The following MARCHF10 variants were observed in gnomAD, a reference collection of about 807,000 sequenced individuals.
The protein encoded by MARCHF10 is probable E3 ubiquitin-protein ligase MARCHF10.
Under a neutral mutation model 76.2 loss-of-function variants are expected in MARCHF10, and 64 were observed. The observed-to-expected ratio is 0.84, with a 90% CI of 0.69 to 1.03. MARCHF10 has a LOEUF of 1.03. MARCHF10 is among the 50% of genes least tolerant of loss of function. The pLI, the probability that MARCHF10 is intolerant of heterozygous loss-of-function variation, is 0.00. For synonymous variants in MARCHF10, 340 were observed against 357.5 expected (o/e 0.95, Z 0.55); for missense variants, 875 against 958.0 (o/e 0.91, Z 1.14).
intron 6 of MARCHF10, among the ~76,000 whole-genome samples, chr17:62,732,933 C>T (rs1275306186): frequency 7.4e-5 from 10 of 135,446 alleles, no homozygotes; most frequent in Non-Finnish European, 3.0e-5. Flanking sequence ...GCGGAAGTTG[C>T]AGTGAGCTAA....
At chr17:62,751,064 A>C (rs925470458) in intron 4 of MARCHF10, among the ~76,000 whole-genome samples, 8 of 152,196 alleles carry the variant, frequency 5.3e-5, no homozygotes, top group African/African-American at 1.7e-4. Context: ...GCGAAGGGAG[A>C]AAAATCAAGC....
intron 2 of MARCHF10, among the ~76,000 whole-genome samples, chr17:62,794,219 TCCACCA>T (rs532862509): frequency 6.8e-6 from 1 of 146,900 alleles, no homozygotes; most frequent in Non-Finnish European, 1.5e-5. Context: ...CACTACCACC[TCCACCA>T]CCACCACATC....
intron 1 of MARCHF10, among the ~76,000 whole-genome samples, chr17:62,802,513 C>T (rs2093091974): frequency 6.6e-6 from 1 of 152,198 alleles, no homozygotes; most frequent in African/African-American, 2.4e-5. Flanking sequence ...AGCCACCGCA[C>T]CTGGCCTGTG....
chr17:62,727,036 G>T (rs2090790786), intron 6 of MARCHF10, among the ~76,000 whole-genome samples: 1 of 152,198 alleles, frequency 6.6e-6, no homozygotes, highest in Non-Finnish European at 1.5e-5. Flanking sequence ...TTCACCGGTA[G>T]AGATTTTACA....
At chr17:62,804,153 A>C (rs2093125300) in intron 1 of MARCHF10, among the ~76,000 whole-genome samples, 1 of 152,150 alleles carries the variant, frequency 6.6e-6, no homozygotes, top group Non-Finnish European at 1.5e-5. Context: ...TACTGGCTTG[A>C]GCAGCCAGTG....
intron 6 of MARCHF10, among the ~76,000 whole-genome samples, chr17:62,728,077 C>T (rs998621216): frequency 5.9e-5 from 9 of 152,170 alleles, no homozygotes; most frequent in South Asian, 2.1e-4. Flanking sequence ...CTCACTCTGT[C>T]GCCCAGTGGC....
intron 1 of MARCHF10, among the ~76,000 whole-genome samples, chr17:62,802,717 A>G (rs2148219055): frequency 6.6e-6 from 1 of 152,248 alleles, no homozygotes; most frequent in East Asian, 1.9e-4. Context: ...GAGAAGTGGG[A>G]CAGAGAGGAC....
At position 62,738,765 on chromosome 17, in the gene MARCHF10, G is replaced by A. The variant is rs1038345977; in HGVS notation, c.536-1433C>T. On this transcript the variant is annotated intron_variant, in intron 5 of 10. Coordinates refer to ENST00000311269, the MANE Select transcript of MARCHF10 (RefSeq NM_152598.4). This position sits in a 1 kb window ranked among gnomAD's most constrained non-coding sequence, Gnocchi z 4.0. ...TTAACTGCATGGGACACTCAGCAAC[G>A]CAGTATGAATCTTGACTCATCAGCT... Among the ~76,000 whole-genome samples the A allele has an allele frequency of 3.9e-5, 6 of 152,188 alleles. No homozygotes were observed. Among genetic ancestry groups the A allele is most frequent in the African/African-American group, 9.7e-5 (4 of 41,448 alleles).
At chr17:62,717,584 G>A (rs1393858464) in intron 8 of MARCHF10, among the ~76,000 whole-genome samples, 2 of 152,204 alleles carry the variant, frequency 1.3e-5, no homozygotes, top group African/African-American at 2.4e-5. Context: ...CAGGAGACCC[G>A]AGGGCGGAGG....
At chr17:62,794,976 G>GT (rs911673039) in intron 2 of MARCHF10, 32 of 977,054 alleles carry the variant, frequency 3.3e-5, no homozygotes, top group African/African-American at 1.6e-4. Context: ...CCTCCAGCTA[G>GT]TTTTTTTTCC....
At chr17:62,745,610 G>A (rs2091677225) in intron 4 of MARCHF10, among the ~76,000 whole-genome samples, 1 of 152,190 alleles carries the variant, frequency 6.6e-6, no homozygotes, top group Admixed American at 6.5e-5. Flanking sequence ...AAGGTTGCAA[G>A]CATCTGGGAA....
intron 3 of MARCHF10, among the ~76,000 whole-genome samples, chr17:62,776,248 C>A (rs558843606): frequency 6.6e-6 from 1 of 152,184 alleles, no homozygotes; most frequent in Non-Finnish European, 1.5e-5. Context: ...ACAATGTCTG[C>A]GCTGCTAAGA....
intron 4 of MARCHF10, among the ~76,000 whole-genome samples, chr17:62,745,455 A>G (rs1284532039): frequency 6.6e-6 from 1 of 152,154 alleles, no homozygotes; most frequent in East Asian, 1.9e-4. Context: ...TATGCCCGCT[A>G]GCAACACTGT....
intron 3 of MARCHF10, among the ~76,000 whole-genome samples, chr17:62,763,657 T>G (rs1322945540): frequency 3.3e-5 from 5 of 152,096 alleles, no homozygotes; most frequent in Admixed American, 3.3e-4. Context: ...CTGCTATTCC[T>G]TTGGGGGACG....
At chr17:62,788,190 T>C (rs2092777084) in intron 3 of MARCHF10, among the ~76,000 whole-genome samples, 1 of 152,178 alleles carries the variant, frequency 6.6e-6, no homozygotes, top group Non-Finnish European at 1.5e-5. Context: ...ATCTGGATGG[T>C]GTCCCATAGA....
At chr17:62,745,612 A>G (rs781600765) in intron 4 of MARCHF10, among the ~76,000 whole-genome samples, 1 of 152,222 alleles carries the variant, frequency 6.6e-6, no homozygotes, top group East Asian at 1.9e-4. Flanking sequence ...GGTTGCAAGC[A>G]TCTGGGAACC....
At chr17:62,750,910 G>T (rs2091878629) in intron 4 of MARCHF10, among the ~76,000 whole-genome samples, 1 of 152,194 alleles carries the variant, frequency 6.6e-6, no homozygotes, top group African/African-American at 2.4e-5. Context: ...GCCCCGCAGG[G>T]TCTCACTTGG....
At chr17:62,754,840 A>ATT (rs1405054327) in intron 4 of MARCHF10, among the ~76,000 whole-genome samples, 2 of 152,212 alleles carry the variant, frequency 1.3e-5, no homozygotes, top group African/African-American at 4.8e-5. Flanking sequence ...CTTGCCGCGA[A>ATT]AACCATTAAT....
intron 3 of MARCHF10, 77 bp downstream of exon 3, chr17:62,788,403 C>T: frequency 3.2e-6 from 5 of 1,552,228 alleles, no homozygotes; most frequent in Non-Finnish European, 4.4e-6. Flanking sequence ...CTTTTTCCTA[C>T]ATCACACACA....
Sources: allele counts gnomAD v4.1 joint callset (sites outside exome capture counted in the v4.1 genomes callset), GRCh38; gene constraint gnomAD v4.1.1; non-coding constraint Gnocchi (gnomAD v3.1); transcripts MANE v1.5; gene names NCBI Gene and HGNC (gene_info 2026-07-23, HGNC 2026-07-21).